Variants in GDPD4 observed in about 807,000 individuals in gnomAD.
GDPD4 encodes the protein glycerophosphodiester phosphodiesterase 6.
Under a neutral mutation model 67.8 loss-of-function variants are expected in GDPD4, and 60 were observed. The observed-to-expected ratio is 0.88, with a 90% CI of 0.72 to 1.10. The LOEUF is 1.10. GDPD4 is among the 50% of genes least tolerant of loss of function. The probability of loss-of-function intolerance (pLI) is 0.00; values close to 1 mark genes in which losing one functional copy is unlikely to be tolerated. For missense variants in GDPD4, 623 were observed against 613.9 expected, an observed-to-expected ratio of 1.01 and a Z score of -0.16; for synonymous variants, 212 against 210.9, an observed-to-expected ratio of 1.00 and a Z score of -0.04.
At chr11:77,261,957 T>C (rs58794652) in intron 10 of GDPD4, among the ~76,000 whole-genome samples, 1,932 of 152,300 alleles carry the variant, frequency 0.013, 42 homozygotes, top group African/African-American at 0.044. Context: ...GCAAAACAAG[T>C]GGTATCTGCG....
chr11:77,247,450 T>C (rs1958800872), intron 11 of GDPD4, among the ~76,000 whole-genome samples: 1 of 152,190 alleles, frequency 6.6e-6, no homozygotes, highest in African/African-American at 2.4e-5. Context: ...CCAGTAAACT[T>C]TAAATAGTAT....
At chr11:77,274,870 T>C (rs936377049) in intron 5 of GDPD4, among the ~76,000 whole-genome samples, 8 of 152,086 alleles carry the variant, frequency 5.3e-5, no homozygotes, top group African/African-American at 1.9e-4. Flanking sequence ...AATAGAGTGA[T>C]AGTTACCAAG....
At chr11:77,235,959 TAAAAACAAAAA>T (rs1231872219) in intron 13 of GDPD4, among the ~76,000 whole-genome samples, 130 of 68,140 alleles carry the variant, frequency 1.9e-3, no homozygotes, top group South Asian at 6.0e-3. Context: ...TTGTCTCTAT[TAAAAACAAAAA>T]AAAAACAAAA....
intron 13 of GDPD4, among the ~76,000 whole-genome samples, chr11:77,237,992 TA>T (rs150447628): frequency 6.8e-4 from 104 of 152,324 alleles, no homozygotes; most frequent in African/African-American, 2.4e-3. Context: ...ACAGGTCACC[TA>T]ATTTTCTACC....
At chr11:77,218,985 GAACTAGTTTACACTCCTACC>G (rs1958177538) in intron 16 of GDPD4, among the ~76,000 whole-genome samples, 2 of 152,210 alleles carry the variant, frequency 1.3e-5, no homozygotes, top group Admixed American at 1.3e-4. Context: ...CACAATGGTT[GAACTAGTTTACACTCCTACC>G]AACAGTGTAA....
chr11:77,259,483 G>A (rs1249057105), intron 10 of GDPD4, among the ~76,000 whole-genome samples: 3 of 148,830 alleles, frequency 2.0e-5, no homozygotes, highest in Non-Finnish European at 4.4e-5. Context: ...TAAGCCACTA[G>A]AAAACTGGAC....
chr11:77,267,336 G>T (rs116827212), intron 10 of GDPD4, among the ~76,000 whole-genome samples: 15 of 152,242 alleles, frequency 9.9e-5, no homozygotes, highest in Admixed American at 7.9e-4. Context: ...TTCTCAGAAC[G>T]TATGCTCATC....
At chr11:77,257,675 A>C (rs560446394) in intron 11 of GDPD4, among the ~76,000 whole-genome samples, 5 of 151,934 alleles carry the variant, frequency 3.3e-5, no homozygotes, top group Non-Finnish European at 7.4e-5. Context: ...CCCTCAGCTC[A>C]AATGGTAGCT....
chr11:77,239,285 A>G (rs1308002355), intron 13 of GDPD4, among the ~76,000 whole-genome samples: 2 of 152,230 alleles, frequency 1.3e-5, no homozygotes, highest in Non-Finnish European at 2.9e-5. Flanking sequence ...GATCAGGAAC[A>G]AGACAAAGAT....
At chr11:77,235,072 G>T (rs180903700) in intron 13 of GDPD4, among the ~76,000 whole-genome samples, 134 of 127,324 alleles carry the variant, frequency 1.1e-3, no homozygotes, top group Middle Eastern at 5.3e-3. Context: ...ACTGGTGTGA[G>T]ATGGTATCTC....
chr11:77,243,705 A>G lies in GDPD4; in HGVS notation c.1230T>C (p.Pro410=), dbSNP rs1045537477. 1 of 1,612,456 alleles carries G rather than the reference A, an allele frequency of 6.2e-7. No individual in the cohort carries two copies. Among genetic ancestry groups the G allele is most frequent in the East Asian group, 2.2e-5 (1 of 44,864 alleles). ...GGTCAAACACTTACCTTAACCCATT[A>G]GGGAACAACTTCTTGTAGTCAACAT... ...IINVDYKKLF[P]NGLRDYKAAN... is the part of the protein sequence containing the mutation. The change falls in exon 13 of 17, where the codon CCT becomes CCC. Residue 410 remains proline (P), a synonymous_variant. Transcript: ENST00000315938.
Position 77,245,382 on chromosome 11 carries a change from TCA to T in GDPD4, c.983_984del (p.Val328AspfsTer3). ...LTLAEKERKFVIFDLHRPPPK... is the reference protein window; with the variant it reads ...LTLAEKERKFXIFDLHRPPPK... ...GGTGGAGGGCGATGAAGATCAAATA[TCA>T]CAAATTTTCTTTCCTTCTCTGCAAG... On this transcript the variant is annotated frameshift_variant, in exon 12 of 17. Coordinates refer to ENST00000315938, the MANE Select transcript of GDPD4 (RefSeq NM_182833.3). LOFTEE classifies it high-confidence loss of function. The T allele has an allele frequency of 6.2e-7, 1 of 1,614,170 alleles. No individual in the cohort carries two copies. The highest frequency in any genetic ancestry group is 2.2e-5 in the East Asian group (1 of 44,884).
At chr11:77,248,847 G>C (rs1233937567) in intron 11 of GDPD4, among the ~76,000 whole-genome samples, 1 of 148,042 alleles carries the variant, frequency 6.8e-6, no homozygotes, top group African/African-American at 2.5e-5. Flanking sequence ...TCAGCCTCCC[G>C]AGTAGCTGGG....
chr11:77,271,159 G>A lies in GDPD4; in HGVS notation c.371C>T (p.Ala124Val), dbSNP rs748659400. The A allele has an allele frequency of 6.2e-6, 10 of 1,612,364 alleles. No individual in the cohort carries two copies. The East Asian group carries it at 8.9e-5, about 14-fold the overall frequency. ...TVMVILFWPVAFYVACLEREV... is the reference protein window; with the variant it reads ...TVMVILFWPVVFYVACLEREV... ...TCTTTCCAAACATGCCACGTAGAAG[G>A]CCACAGGCCAGAAAAGGATAACCAT... Residue 124 changes from alanine (A) to valine (V), a missense_variant, in exon 7 of 17, where the codon GCC (alanine) becomes GTC (valine). Coordinates refer to ENST00000315938, the MANE Select transcript of GDPD4 (RefSeq NM_182833.3).
intron 16 of GDPD4, among the ~76,000 whole-genome samples, chr11:77,221,828 G>A (rs892942449): frequency 2.1e-5 from 3 of 144,070 alleles, no homozygotes; most frequent in Non-Finnish European, 4.5e-5. Flanking sequence ...TATTGACAGT[G>A]GGGTGTTAAA....
intron 11 of GDPD4, among the ~76,000 whole-genome samples, chr11:77,256,912 C>A (rs1959013577): frequency 6.6e-6 from 1 of 152,120 alleles, no homozygotes. Flanking sequence ...TTTAAATTAC[C>A]CAGTCTCAGG....
chr11:77,218,871 G>C (rs112094502), intron 16 of GDPD4, among the ~76,000 whole-genome samples: 1 of 151,852 alleles, frequency 6.6e-6, no homozygotes, highest in Non-Finnish European at 1.5e-5. Context: ...GTGTCTTTAT[G>C]GTAACATGAT....
intron 14 of GDPD4, among the ~76,000 whole-genome samples, chr11:77,231,834 G>A (rs1958461112): frequency 6.6e-6 from 1 of 152,112 alleles, no homozygotes; most frequent in Admixed American, 6.5e-5. Context: ...GGGACAGGTG[G>A]GTGGAAAGGC....
In GDPD4 at chr11:77,229,763, A is replaced by G. The variant is rs1162854592; in HGVS notation, c.1390-531T>C. On this transcript the variant is annotated intron_variant, in intron 14 of 16. Coordinates refer to ENST00000315938, the MANE Select transcript of GDPD4 (RefSeq NM_182833.3). ...GCCAGCATTTGGGAACCATTGTTCT[A>G]AAGTATCACACTTTAATTAAGAATG... Among the ~76,000 whole-genome samples, 4 of 152,236 alleles carry G rather than the reference A, an allele frequency of 2.6e-5. No homozygotes were observed. In the East Asian group the frequency reaches 5.8e-4, roughly 22 times the overall value.
Sources: gnomAD v4.1 joint callset for allele counts (sites outside exome capture counted in the v4.1 genomes callset) on GRCh38, gnomAD v4.1.1 for gene constraint, MANE v1.5 for transcripts, NCBI Gene and HGNC (gene_info 2026-07-23, HGNC 2026-07-21) for gene names.